AP3B1: variants seen among roughly 807,000 people sequenced by gnomAD.
AP3B1 encodes the protein adaptor related protein complex 3 subunit beta 1.
In AP3B1, 61 loss-of-function variants were observed where a neutral mutation model predicts 132.5. The observed-to-expected ratio is 0.46, with a 90% CI of 0.37 to 0.57. The LOEUF is 0.57. AP3B1 is among the 20% of genes least tolerant of loss of function. AP3B1 has a pLI of 0.00. For missense variants in AP3B1, 1,120 were observed against 1,289.4 expected (o/e 0.87, Z 2.01); for synonymous variants, 388 against 438.3 (o/e 0.89, Z 1.43).
intron 22 of AP3B1, among the ~76,000 whole-genome samples, chr5:78,065,523 G>A (rs1185594697): frequency 6.6e-6 from 1 of 152,192 alleles, no homozygotes; most frequent in Non-Finnish European, 1.5e-5. Context: ...ATTTTCCACA[G>A]CGCAGCACAG....
chr5:78,084,941 AC>A (rs201224602), intron 22 of AP3B1, among the ~76,000 whole-genome samples: 5,817 of 152,258 alleles, frequency 0.038, 365 homozygotes, highest in African/African-American at 0.13. Context: ...TGTAATAAAA[AC>A]ATCTTAATAA....
At chr5:78,204,807 G>A (rs1014593475) in intron 7 of AP3B1, among the ~76,000 whole-genome samples, 17 of 152,194 alleles carry the variant, frequency 1.1e-4, no homozygotes, top group Non-Finnish European at 5.9e-5. Context: ...GATAGAGTGA[G>A]GGTAAGTTTA....
intron 14 of AP3B1, among the ~76,000 whole-genome samples, chr5:78,155,902 C>T (rs1429309628): frequency 6.6e-6 from 1 of 151,928 alleles, no homozygotes; most frequent in African/African-American, 2.4e-5. Context: ...AAAGTGTGCT[C>T]AATGGTATTG....
In AP3B1 at chr5:78,027,613, G is replaced by A. The variant is rs1747389850; in HGVS notation, c.2894+6748C>T. 2.0e-5 allele frequency among the ~76,000 whole-genome samples: 3 copies of A among 152,104 alleles called. No homozygotes were observed. In the South Asian group the frequency reaches 6.2e-4, roughly 32 times the overall value. ...TTTAGCCTAGAATCACATTGAATTT[G>A]AAGATTAATTTGAGGTGCAATACTG... is the stretch of plus-strand genomic sequence containing the variant. On this transcript the variant is annotated intron_variant, in intron 24 of 26. Coordinates refer to ENST00000255194, the MANE Select transcript of AP3B1 (RefSeq NM_003664.5).
intron 1 of AP3B1, among the ~76,000 whole-genome samples, chr5:78,275,813 C>T (rs759199421): frequency 6.6e-6 from 1 of 151,812 alleles, no homozygotes; most frequent in Non-Finnish European, 1.5e-5. Flanking sequence ...ACTGGCAGAA[C>T]CAGGAAACGA....
At chr5:78,126,178 A>G (rs1277290665) in intron 17 of AP3B1, among the ~76,000 whole-genome samples, 2 of 151,968 alleles carry the variant, frequency 1.3e-5, no homozygotes, top group Non-Finnish European at 2.9e-5. Flanking sequence ...ATAACAAAGA[A>G]CACTCTCTTT....
intron 11 of AP3B1, among the ~76,000 whole-genome samples, chr5:78,173,970 G>T (rs1229743679): frequency 6.6e-6 from 1 of 151,822 alleles, no homozygotes; most frequent in African/African-American, 2.4e-5. Flanking sequence ...CCACTTGATC[G>T]AATCGGCTAT....
intron 22 of AP3B1, among the ~76,000 whole-genome samples, chr5:78,073,007 A>T (rs919518893): frequency 1.3e-5 from 2 of 152,102 alleles, no homozygotes; most frequent in Non-Finnish European, 2.9e-5. Context: ...GGCGTGAGCC[A>T]CCACGCCCAG....
chr5:78,117,456 C>T (rs1751905011), intron 17 of AP3B1, among the ~76,000 whole-genome samples: 1 of 151,778 alleles, frequency 6.6e-6, no homozygotes, highest in Non-Finnish European at 1.5e-5. Flanking sequence ...ATCACAGGCA[C>T]CCACCACCAC....
At chr5:78,028,242 G>A (rs148363908) in intron 24 of AP3B1, among the ~76,000 whole-genome samples, 2,436 of 151,834 alleles carry the variant, frequency 0.016, 53 homozygotes, top group African/African-American at 0.047. Context: ...TGGGCGGATC[G>A]CAAGGTCAGG....
At chr5:78,172,334 C>T (rs1188978864) in intron 11 of AP3B1, among the ~76,000 whole-genome samples, 2 of 152,148 alleles carry the variant, frequency 1.3e-5, no homozygotes, top group African/African-American at 4.8e-5. Context: ...CCTCTTTGTA[C>T]CTCTGGTAGA....
chr5:78,177,595 T>C lies in AP3B1; in HGVS notation c.943-159A>G, dbSNP rs10428660. Among the ~76,000 whole-genome samples the C allele has an allele frequency of 0.29, 43,719 of 151,926 alleles. 6,678 individuals are homozygous for C. The highest frequency in any genetic ancestry group is 0.39 in the Admixed American group (5,971 of 15,262). ...AGTGAGTTGAAGAAGTGTCCCCCAC[T>C]CCCAGTGCCCAATACTATCCTCAGA... On this transcript the variant is annotated intron_variant, in intron 8 of 26. Transcript: ENST00000255194.
chr5:78,208,176 A>G (rs181137121), intron 7 of AP3B1, among the ~76,000 whole-genome samples: 1 of 152,304 alleles, frequency 6.6e-6, no homozygotes, highest in East Asian at 1.9e-4. Context: ...CTAGAAAAAC[A>G]GATTGGAACT....
At chr5:78,128,198 G>C in intron 16 of AP3B1, 38 bp from the exon 17 acceptor site, 1 of 1,505,038 alleles carries the variant, frequency 6.6e-7, no homozygotes, top group Non-Finnish European at 9.1e-7. Context: ...TAAACAATAT[G>C]AGCTGTATAT....
intron 1 of AP3B1, among the ~76,000 whole-genome samples, chr5:78,286,263 C>A (rs1028782724): frequency 2.0e-5 from 3 of 152,156 alleles, no homozygotes; most frequent in Non-Finnish European, 4.4e-5. Context: ...TTGGAACCAC[C>A]CTACTATGGT....
intron 5 of AP3B1, 61 bp downstream of exon 5, chr5:78,227,311 T>C (rs1396362621): frequency 2.0e-6 from 3 of 1,529,446 alleles, no homozygotes. Context: ...CAAGCCTCTG[T>C]GGTCTATAAC....
At chr5:78,241,722 G>A (rs1467242875) in intron 2 of AP3B1, among the ~76,000 whole-genome samples, 1 of 152,160 alleles carries the variant, frequency 6.6e-6, no homozygotes, top group Non-Finnish European at 1.5e-5. Flanking sequence ...AGGACTAACT[G>A]TAGCCCAAAT....
At chr5:78,250,274 T>C (rs927174074) in intron 2 of AP3B1, among the ~76,000 whole-genome samples, 1 of 152,056 alleles carries the variant, frequency 6.6e-6, no homozygotes, top group East Asian at 1.9e-4. Flanking sequence ...TTAGTACCTA[T>C]TCCCAAAGAA....
chr5:78,012,865 T>C (rs1345092548), intron 26 of AP3B1, among the ~76,000 whole-genome samples: 1 of 152,248 alleles, frequency 6.6e-6, no homozygotes, highest in Admixed American at 6.5e-5. Context: ...TTGATTGTAA[T>C]TTTAATTTAA....
Sources: gnomAD v4.1 joint callset for allele counts (sites outside exome capture counted in the v4.1 genomes callset) on GRCh38, gnomAD v4.1.1 for gene constraint, MANE v1.5 for transcripts, NCBI Gene and HGNC (gene_info 2026-07-23, HGNC 2026-07-21) for gene names.